The following PPP1R9A variants were observed in gnomAD, a reference collection of about 807,000 sequenced individuals.
PPP1R9A encodes neurabin-1.
PPP1R9A carries 59 observed loss-of-function variants against 141.9 expected under a neutral mutation model. The observed-to-expected ratio is 0.42, with a 90% CI of 0.34 to 0.52. PPP1R9A has a LOEUF of 0.52. Ranked by LOEUF, PPP1R9A falls within the 20% of genes least tolerant of loss-of-function variation. PPP1R9A has a pLI of 0.10. For missense variants in PPP1R9A, 1,444 were observed against 1,611.9 expected, an observed-to-expected ratio of 0.90 and a Z score of 1.78; for synonymous variants, 500 against 569.7, an observed-to-expected ratio of 0.88 and a Z score of 1.74.
At chr7:95,182,209 A>G (rs1159255936) in intron 5 of PPP1R9A, among the ~76,000 whole-genome samples, 3 of 151,996 alleles carry the variant, frequency 2.0e-5, no homozygotes, top group African/African-American at 7.2e-5. Flanking sequence ...AGGTGCAGTG[A>G]CTCACACCTG....
In PPP1R9A at chr7:95,269,301, C is replaced by T; in HGVS notation, c.2918C>T (p.Pro973Leu). 2 of 1,597,154 alleles carry T rather than the reference C, an allele frequency of 1.3e-6. No homozygotes were observed. The highest frequency in any genetic ancestry group is 1.3e-5 in the African/African-American group (1 of 74,942). The change falls in exon 14 of 20, where the codon CCA (proline) becomes CTA (leucine). Residue 973 changes from proline (P) to leucine (L), a missense_variant. Physicochemically the swap from Pro to Leu is moderately conservative, Grantham distance 98. Around this residue, in one of 5 missense-constraint regions of PPP1R9A, gnomAD observed 459 missense variants for 513.8 expected, o/e 0.89. Transcript: ENST00000433360. The part of the protein sequence containing the change: ...TSSPESDSGV[P>L]PLTPVDSNVP... ...TCTCCAGAATCAGATTCTGGTGTTC[C>T]ACCCCTCACCCCGGTGGATAGCAAT...
Position 95,087,040 on chromosome 7 carries a change from A to G in PPP1R9A, c.1396-24219A>G, listed in dbSNP as rs1013278514. Among the ~76,000 whole-genome samples the G allele has an allele frequency of 3.4e-5, 5 of 146,074 alleles. No homozygotes were observed. In the East Asian group the frequency reaches 5.8e-4, roughly 17 times the overall value. The stretch of plus-strand genomic sequence containing the variant: ...TCAAAAAATAAGACAAGTAAATAAA[A>G]GATGGATTTTCTAAAAAAAAGAAAG... On this transcript the variant is annotated intron_variant, in intron 2 of 19. Transcript: ENST00000433360.
chr7:94,954,775 G>T (rs1291610960), intron 2 of PPP1R9A, among the ~76,000 whole-genome samples: 6 of 150,632 alleles, frequency 4.0e-5, no homozygotes. Flanking sequence ...CTAGCAGGGA[G>T]CTTAGTTATT....
At chr7:95,152,516 T>G (rs1430102362) in intron 4 of PPP1R9A, among the ~76,000 whole-genome samples, 1 of 152,176 alleles carries the variant, frequency 6.6e-6, no homozygotes, top group Non-Finnish European at 1.5e-5. Context: ...AAATTCTTAT[T>G]TAAACCTTCC....
At chr7:95,169,620 G>A (rs1585055370) in intron 5 of PPP1R9A, among the ~76,000 whole-genome samples, 1 of 151,814 alleles carries the variant, frequency 6.6e-6, no homozygotes, top group African/African-American at 2.4e-5. Flanking sequence ...AGTATAGCAT[G>A]TAAGAAAATG....
intron 2 of PPP1R9A, among the ~76,000 whole-genome samples, chr7:95,003,519 A>C (rs1025130940): frequency 6.6e-6 from 1 of 152,168 alleles, no homozygotes; most frequent in Non-Finnish European, 1.5e-5. Context: ...AAAACTCTCT[A>C]ATGAGGGAAC....
At chr7:95,040,391 G>T (rs1015749618) in intron 2 of PPP1R9A, among the ~76,000 whole-genome samples, 2 of 151,914 alleles carry the variant, frequency 1.3e-5, no homozygotes, top group African/African-American at 4.8e-5. Context: ...CTCCATGCAT[G>T]ATGATGTTAA....
chr7:95,234,892 A>C (rs1796466732), intron 8 of PPP1R9A, among the ~76,000 whole-genome samples: 1 of 152,180 alleles, frequency 6.6e-6, no homozygotes, highest in East Asian at 1.9e-4. Flanking sequence ...TGTTCGACAA[A>C]GCAAACAAAA....
At chr7:94,953,588 C>A (rs1449112235) in intron 2 of PPP1R9A, among the ~76,000 whole-genome samples, 1 of 151,994 alleles carries the variant, frequency 6.6e-6, no homozygotes, top group South Asian at 2.1e-4. Flanking sequence ...TTCCTGTCCA[C>A]AAGCATGTAA....
chr7:95,001,448 G>A (rs1202527747), intron 2 of PPP1R9A, among the ~76,000 whole-genome samples: 1 of 152,110 alleles, frequency 6.6e-6, no homozygotes, highest in East Asian at 1.9e-4. Flanking sequence ...AAGTCCAGAG[G>A]TATTAAATCT....
intron 4 of PPP1R9A, among the ~76,000 whole-genome samples, chr7:95,134,445 T>C (rs1306122792): frequency 1.3e-5 from 2 of 152,090 alleles, no homozygotes; most frequent in African/African-American, 4.8e-5. Flanking sequence ...ATAACAAACC[T>C]GCACATTCTG....
intron 4 of PPP1R9A, among the ~76,000 whole-genome samples, chr7:95,145,268 C>T (rs1466060399): frequency 6.6e-6 from 1 of 152,120 alleles, no homozygotes; most frequent in African/African-American, 2.4e-5. Context: ...TAAGATAAAA[C>T]AGAAAAGAGT....
chr7:95,269,617 ATTAAT>A (rs1801850504), intron 14 of PPP1R9A, 110 bp downstream of exon 14: 1 of 813,830 alleles, frequency 1.2e-6, no homozygotes, highest in African/African-American at 1.8e-5. Context: ...AATAATTAAT[ATTAAT>A]TTCTTTTTAT....
intron 5 of PPP1R9A, among the ~76,000 whole-genome samples, chr7:95,189,480 A>C (rs1382763757): frequency 8.3e-6 from 1 of 120,856 alleles, no homozygotes; most frequent in African/African-American, 3.4e-5. Flanking sequence ...TCTGTCGCCC[A>C]GGCTGGAGTG....
intron 8 of PPP1R9A, among the ~76,000 whole-genome samples, chr7:95,229,097 A>G (rs1377360241): frequency 6.6e-6 from 1 of 151,996 alleles, no homozygotes; most frequent in Admixed American, 6.6e-5. Flanking sequence ...GAACCACACA[A>G]GACCCCATCT....
intron 2 of PPP1R9A, among the ~76,000 whole-genome samples, chr7:94,986,494 G>A (rs1800850901): frequency 6.6e-6 from 1 of 152,064 alleles, no homozygotes; most frequent in Admixed American, 6.6e-5. Flanking sequence ...AGGAGAGGTT[G>A]GTTAACAGAT....
intron 5 of PPP1R9A, among the ~76,000 whole-genome samples, chr7:95,193,165 A>G (rs1835759648): frequency 6.6e-6 from 1 of 152,106 alleles, no homozygotes; most frequent in Non-Finnish European, 1.5e-5. Flanking sequence ...TATCAGGATG[A>G]CATTCTATTA....
At chr7:95,269,583 TAA>T (rs925175432) in intron 14 of PPP1R9A, 76 bp downstream of exon 14, 9 of 1,233,986 alleles carry the variant, frequency 7.3e-6, no homozygotes, top group African/African-American at 6.4e-5. Context: ...CTCATAATCA[TAA>T]GTCATTTGTT....
chr7:95,145,670 G>T (rs1827477466), intron 4 of PPP1R9A, among the ~76,000 whole-genome samples: 1 of 152,016 alleles, frequency 6.6e-6, no homozygotes, highest in African/African-American at 2.4e-5. Context: ...CTGCTGTCAG[G>T]CCCTGGTGTG....
Sources: allele counts gnomAD v4.1 joint callset (sites outside exome capture counted in the v4.1 genomes callset), GRCh38; gene constraint gnomAD v4.1.1; regional missense constraint gnomAD v4.1.1; transcripts MANE v1.5; gene names NCBI Gene and HGNC (gene_info 2026-07-23, HGNC 2026-07-21).